Variants in GABRG3 observed in about 807,000 individuals in gnomAD.
GABRG3 encodes gamma-aminobutyric acid type A receptor subunit gamma3.
A neutral mutation model predicts 48.8 loss-of-function variants in GABRG3; 25 were observed. The ratio of observed to expected loss-of-function variants is 0.51; its 90% confidence interval spans 0.37 to 0.72. The LOEUF (loss-of-function observed/expected upper bound fraction) is 0.72, where lower values mean the gene tolerates loss of function less well. Among genes scored for constraint, GABRG3 ranks in the 30% least tolerant of loss-of-function variants. GABRG3 has a pLI of 0.00. For missense variants in GABRG3, 394 were observed against 577.9 expected, an observed-to-expected ratio of 0.68 and a Z score of 3.26; for synonymous variants, 227 against 217.6, an observed-to-expected ratio of 1.04 and a Z score of -0.38.
intron 5 of GABRG3, among the ~76,000 whole-genome samples, chr15:27,471,121 C>T (rs950174764): frequency 3.3e-5 from 5 of 151,966 alleles, no homozygotes; most frequent in African/African-American, 1.2e-4. Flanking sequence ...ATTTAGAGGC[C>T]AGAGTTTTTT....
chr15:27,189,086 T>C (rs903939706), intron 3 of GABRG3, among the ~76,000 whole-genome samples: 2 of 152,180 alleles, frequency 1.3e-5, no homozygotes, highest in Non-Finnish European at 2.9e-5. Context: ...CATTGATCTA[T>C]ATCTCTGTTT....
chr15:27,308,891 G>A (rs1041203738), intron 3 of GABRG3, among the ~76,000 whole-genome samples: 1 of 150,042 alleles, frequency 6.7e-6, no homozygotes, highest in Admixed American at 6.6e-5. Flanking sequence ...ATTTAAACAT[G>A]TTTATATGAA....
At chr15:27,399,314 T>C (rs1318149019) in intron 5 of GABRG3, among the ~76,000 whole-genome samples, 2 of 152,202 alleles carry the variant, frequency 1.3e-5, no homozygotes, top group Admixed American at 6.5e-5. Flanking sequence ...TTCTGGCCAT[T>C]GAAACAGGAA....
intron 3 of GABRG3, among the ~76,000 whole-genome samples, chr15:27,142,326 C>A (rs2140390496): frequency 6.6e-6 from 1 of 152,278 alleles, no homozygotes; most frequent in Non-Finnish European, 1.5e-5. Context: ...ACTTACAGTT[C>A]CACGTGGCTG....
chr15:27,014,188 TC>T (rs1170527871), intron 2 of GABRG3, among the ~76,000 whole-genome samples: 1 of 152,084 alleles, frequency 6.6e-6, no homozygotes, highest in Non-Finnish European at 1.5e-5. Flanking sequence ...GAGTCTTCTC[TC>T]ATTTTTTTCT....
chr15:27,076,080 A>G (rs554730417), intron 3 of GABRG3, among the ~76,000 whole-genome samples: 1 of 152,218 alleles, frequency 6.6e-6, no homozygotes, highest in South Asian at 2.1e-4. Context: ...CTGAGTGTTC[A>G]TCTTGTAGAC....
chr15:27,302,582 C>G (rs764068119), intron 3 of GABRG3, among the ~76,000 whole-genome samples: 3 of 151,998 alleles, frequency 2.0e-5, no homozygotes, highest in East Asian at 1.9e-4. Flanking sequence ...TATGAATCTA[C>G]TAGGTAGAAA....
At chr15:27,310,192 A>G (rs988100760) in intron 3 of GABRG3, among the ~76,000 whole-genome samples, 4 of 152,070 alleles carry the variant, frequency 2.6e-5, no homozygotes, top group African/African-American at 9.7e-5. Flanking sequence ...GGGAAGGGGC[A>G]ATGACAAAAG....
At chr15:27,159,907 G>C (rs1272201107) in intron 3 of GABRG3, among the ~76,000 whole-genome samples, 1 of 152,176 alleles carries the variant, frequency 6.6e-6, no homozygotes, top group African/African-American at 2.4e-5. Flanking sequence ...GTAGTGTTTT[G>C]TTGGCAGCTG....
intron 7 of GABRG3, among the ~76,000 whole-genome samples, chr15:27,526,818 G>A (rs1385229695): frequency 1.3e-5 from 2 of 152,122 alleles, no homozygotes; most frequent in Non-Finnish European, 2.9e-5. Flanking sequence ...TCTGTGCTGG[G>A]GGACAAGCAA....
intron 3 of GABRG3, among the ~76,000 whole-genome samples, chr15:27,259,513 G>A (rs766319308): frequency 1.6e-4 from 25 of 152,288 alleles, no homozygotes; most frequent in Admixed American, 1.1e-3. Flanking sequence ...GTCTACTTGA[G>A]ATGCAAAGAA....
chr15:27,320,147 G>A (rs1189501218), intron 3 of GABRG3, among the ~76,000 whole-genome samples: 2 of 152,150 alleles, frequency 1.3e-5, no homozygotes, highest in Admixed American at 1.3e-4. Context: ...CCAGGCCTTG[G>A]GGAAGGTCGT....
intron 3 of GABRG3, among the ~76,000 whole-genome samples, chr15:27,213,887 GT>G (rs1889153251): frequency 6.6e-6 from 1 of 152,216 alleles, no homozygotes; most frequent in Admixed American, 6.5e-5. Flanking sequence ...GTGTTTGCTT[GT>G]TTGCAACCTG....
chr15:27,327,197 A>G (rs1013649309), intron 4 of GABRG3, among the ~76,000 whole-genome samples, 168 bp downstream of exon 4: 1 of 152,240 alleles, frequency 6.6e-6, no homozygotes, highest in Admixed American at 6.5e-5. Flanking sequence ...GTGTAAAAAT[A>G]AAAGCATACA....
At chr15:27,489,331 A>G (rs1459777094) in intron 6 of GABRG3, among the ~76,000 whole-genome samples, 4 of 152,226 alleles carry the variant, frequency 2.6e-5, no homozygotes, top group East Asian at 1.9e-4. Context: ...CTGTGCTGCA[A>G]TAAACATACG....
chr15:27,025,744 A>T (rs2140681607), intron 2 of GABRG3, among the ~76,000 whole-genome samples: 1 of 152,362 alleles, frequency 6.6e-6, no homozygotes, highest in South Asian at 2.1e-4. Flanking sequence ...TCTTCAGCAC[A>T]ATTGAAGGAA....
At chr15:26,999,943 C>G (rs1028882610) in intron 2 of GABRG3, among the ~76,000 whole-genome samples, 3 of 152,024 alleles carry the variant, frequency 2.0e-5, no homozygotes, top group African/African-American at 4.8e-5. Flanking sequence ...GTTTTTATCT[C>G]TAGAAGTTTG....
At chr15:27,168,353 A>C (rs1281672690) in intron 3 of GABRG3, among the ~76,000 whole-genome samples, 1 of 151,790 alleles carries the variant, frequency 6.6e-6, no homozygotes, top group East Asian at 1.9e-4. Context: ...CCCAGCAGGC[A>C]GTCGCCCCAC....
chr15:27,128,572 G>A (rs545618527), intron 3 of GABRG3, among the ~76,000 whole-genome samples: 12 of 152,292 alleles, frequency 7.9e-5, no homozygotes, highest in Admixed American at 3.9e-4. Context: ...GCATTGACAC[G>A]TTGCTGATAT....
Sources: allele counts gnomAD v4.1 joint callset (sites outside exome capture counted in the v4.1 genomes callset), GRCh38; gene constraint gnomAD v4.1.1; transcripts MANE v1.5; gene names NCBI Gene and HGNC (gene_info 2026-07-23, HGNC 2026-07-21).